Variants in NRXN1 observed in about 807,000 individuals in gnomAD.
The protein encoded by NRXN1 is neurexin-1.
NRXN1 carries 39 observed loss-of-function variants against 150.9 expected under a neutral mutation model. The ratio of observed to expected loss-of-function variants is 0.26; its 90% confidence interval spans 0.20 to 0.34. The LOEUF (loss-of-function observed/expected upper bound fraction) is 0.34. Ranked by LOEUF, NRXN1 falls within the 10% of genes least tolerant of loss-of-function variation. The probability of loss-of-function intolerance (pLI) is 1.00; values close to 1 mark genes in which losing one functional copy is unlikely to be tolerated. For synonymous variants in NRXN1, 924 were observed against 757.0 expected (o/e 1.22, Z -3.62); for missense variants, 1,815 against 1,949.9 (o/e 0.93, Z 1.30).
At chr2:50,404,887 C>T (rs560576007) in intron 17 of NRXN1, among the ~76,000 whole-genome samples, 2 of 151,980 alleles carry the variant, frequency 1.3e-5, no homozygotes, top group Non-Finnish European at 2.9e-5. Context: ...CCAATCTGTT[C>T]CTTTCATTGA....
chr2:50,993,018 G>A (rs536965410), intron 2 of NRXN1, among the ~76,000 whole-genome samples: 8 of 152,002 alleles, frequency 5.3e-5, no homozygotes, highest in Admixed American at 1.3e-4. Context: ...CTAGTGACTT[G>A]TGAAATAACG....
intron 5 of NRXN1, among the ~76,000 whole-genome samples, 161 bp from the exon 6 acceptor site, chr2:50,623,776 AT>A (rs1680483185): frequency 6.6e-6 from 1 of 152,070 alleles, no homozygotes; most frequent in Non-Finnish European, 1.5e-5. Context: ...ACAGGGCAGT[AT>A]TTTTTAAAAA....
intron 17 of NRXN1, among the ~76,000 whole-genome samples, chr2:50,275,353 A>C (rs2070299254): frequency 6.6e-6 from 1 of 152,212 alleles, no homozygotes. Context: ...TTGTAACTTC[A>C]ACAAAGATTT....
intron 17 of NRXN1, among the ~76,000 whole-genome samples, chr2:50,348,965 A>G (rs1467884281): frequency 6.6e-6 from 1 of 152,158 alleles, no homozygotes; most frequent in Non-Finnish European, 1.5e-5. Flanking sequence ...GTATTTTTTA[A>G]AAAATGTAAT....
intron 5 of NRXN1, among the ~76,000 whole-genome samples, chr2:50,838,114 C>G (rs990299406): frequency 6.6e-6 from 1 of 152,100 alleles, no homozygotes; most frequent in Non-Finnish European, 1.5e-5. Context: ...ATTTCATTGT[C>G]TACTGCAAGC....
chr2:50,398,257 G>A (rs2082170350), intron 17 of NRXN1, among the ~76,000 whole-genome samples: 1 of 152,068 alleles, frequency 6.6e-6, no homozygotes, highest in Non-Finnish European at 1.5e-5. Context: ...GATTCAAACA[G>A]CAAGGAATTT....
chr2:50,128,644 T>A (rs983327670), intron 18 of NRXN1, among the ~76,000 whole-genome samples: 2 of 152,148 alleles, frequency 1.3e-5, no homozygotes, highest in Admixed American at 1.3e-4. Context: ...CAAGAAAATA[T>A]AAATTGTTTA....
chr2:51,027,264 G>C (rs937379430), intron 2 of NRXN1, among the ~76,000 whole-genome samples: 1 of 152,214 alleles, frequency 6.6e-6, no homozygotes, highest in Non-Finnish European at 1.5e-5. Context: ...AGTGTTGGTA[G>C]AAAGGTCTCC....
Position 49,921,744 on chromosome 2 carries a change from T to A in NRXN1, c.*200A>T. Reference sequence around the variant, plus strand: ...TGTTAGGGAATTTATTGGCCCCTGTTTTTTGTTTTTTGTTTTTCTTTTTTG... The same window carrying A: ...TGTTAGGGAATTTATTGGCCCCTGTATTTTGTTTTTTGTTTTTCTTTTTTG... On this transcript the variant is annotated 3_prime_UTR_variant, in exon 23 of 23. Coordinates refer to ENST00000401669, the MANE Select transcript of NRXN1 (RefSeq NM_001330078.2). 1 of 583,028 alleles carries A rather than the reference T, an allele frequency of 1.7e-6. No individual in the cohort carries two copies. Among genetic ancestry groups the A allele is most frequent in the Non-Finnish European group, 3.0e-6 (1 of 338,496 alleles). The allele number at this position is 583,028 out of a possible 1,614,324, so 36.1% of individuals were successfully genotyped here. A position where few individuals can be genotyped will look rare whatever the true frequency, so the allele number is the denominator to read the frequency against.
intron 17 of NRXN1, among the ~76,000 whole-genome samples, chr2:50,431,975 T>C (rs180760312): frequency 7.2e-4 from 110 of 152,346 alleles, no homozygotes; most frequent in African/African-American, 2.5e-3. Context: ...TCACTGTATG[T>C]AATCCTCACC....
intron 2 of NRXN1, among the ~76,000 whole-genome samples, chr2:50,934,578 C>A (rs547080495): frequency 6.6e-6 from 1 of 152,160 alleles, no homozygotes; most frequent in Admixed American, 6.6e-5. Flanking sequence ...CTGGACAGCA[C>A]AAATTGTGAA....
chr2:50,332,615 A>C (rs895250377), intron 17 of NRXN1, among the ~76,000 whole-genome samples: 1 of 152,188 alleles, frequency 6.6e-6, no homozygotes, highest in African/African-American at 2.4e-5. Context: ...TCTCTTTGTA[A>C]ATTTGTTTGT....
chr2:50,309,391 T>A (rs1294558468), intron 17 of NRXN1, among the ~76,000 whole-genome samples: 1 of 152,194 alleles, frequency 6.6e-6, no homozygotes, highest in Non-Finnish European at 1.5e-5. Context: ...GTGAAGGCCT[T>A]GGTCTCCTTT....
intron 2 of NRXN1, chr2:50,979,416 C>A: frequency 2.5e-6 from 1 of 395,880 alleles, no homozygotes; most frequent in Admixed American, 3.0e-5. Flanking sequence ...GGATACTAGC[C>A]AGTTATTCAG....
chr2:50,893,734 C>A (rs758076391), intron 5 of NRXN1, among the ~76,000 whole-genome samples: 1 of 152,064 alleles, frequency 6.6e-6, no homozygotes, highest in Non-Finnish European at 1.5e-5. Context: ...AAAGTATTTT[C>A]GTTTATTAGT....
At chr2:50,892,301 G>A (rs1418609866) in intron 5 of NRXN1, among the ~76,000 whole-genome samples, 3 of 152,068 alleles carry the variant, frequency 2.0e-5, no homozygotes, top group Non-Finnish European at 4.4e-5. Context: ...AAAATACTGA[G>A]AATAATTGTA....
intron 5 of NRXN1, among the ~76,000 whole-genome samples, chr2:50,725,301 G>C (rs1697205873): frequency 2.0e-5 from 3 of 150,922 alleles, no homozygotes; most frequent in Admixed American, 2.0e-4. Flanking sequence ...ATATGTTTGG[G>C]CTCATGTTTA....
intron 21 of NRXN1, among the ~76,000 whole-genome samples, chr2:50,046,757 G>A (rs1031886568): frequency 3.9e-5 from 6 of 152,066 alleles, no homozygotes; most frequent in Admixed American, 1.3e-4. Flanking sequence ...TGGAGTCAAC[G>A]CCCTTGACCA....
chr2:50,232,991 G>A (rs1256585662), intron 18 of NRXN1, among the ~76,000 whole-genome samples: 1 of 151,874 alleles, frequency 6.6e-6, no homozygotes, highest in Admixed American at 6.6e-5. Context: ...ATACTTTTCT[G>A]TATTGTAATC....
Sources: gnomAD v4.1 joint callset for allele counts (sites outside exome capture counted in the v4.1 genomes callset) on GRCh38, gnomAD v4.1.1 for gene constraint, MANE v1.5 for transcripts, NCBI Gene and HGNC (gene_info 2026-07-23, HGNC 2026-07-21) for gene names.